The following ADAMTS16 variants were observed in gnomAD, a reference collection of about 807,000 sequenced individuals.
The protein encoded by ADAMTS16 is ADAM metallopeptidase with thrombospondin type 1 motif 16, also known as A disintegrin and metalloproteinase with thrombospondin motifs 16.
In ADAMTS16, 94 loss-of-function variants were observed where a neutral mutation model predicts 145.8. The ratio of observed to expected loss-of-function variants is 0.64; its 90% CI spans 0.55 to 0.77. The LOEUF (loss-of-function observed/expected upper bound fraction) is 0.77. ADAMTS16 is among the 30% of genes least tolerant of loss of function. The pLI is 0.00. For synonymous variants in ADAMTS16, 659 were observed against 604.3 expected, an observed-to-expected ratio of 1.09 and a Z score of -1.33; for missense variants, 1,585 against 1,591.5, an observed-to-expected ratio of 1.00 and a Z score of 0.07.
intron 20 of ADAMTS16, among the ~76,000 whole-genome samples, chr5:5,305,516 CCACACACTCACACATCCCACACCATACA>C (rs1352715270): frequency 6.7e-5 from 10 of 149,756 alleles, no homozygotes; most frequent in African/African-American, 2.5e-4. Context: ...ACATCCCATA[CCACACACTCACACATCCCACACCATACA>C]CACACACACA....
intron 21 of ADAMTS16, among the ~76,000 whole-genome samples, chr5:5,313,240 C>G (rs1410173526): frequency 6.6e-6 from 1 of 152,182 alleles, no homozygotes; most frequent in Non-Finnish European, 1.5e-5. Flanking sequence ...GTGCCCAAGT[C>G]TCTGCCTTCA....
At chr5:5,230,857 A>T (rs1736900269) in intron 11 of ADAMTS16, among the ~76,000 whole-genome samples, 1 of 152,126 alleles carries the variant, frequency 6.6e-6, no homozygotes, top group Non-Finnish European at 1.5e-5. Context: ...CACTAACCTG[A>T]CCTCATTCTG....
rs753116857 is a variant in ADAMTS16 at position 5,232,453 on chromosome 5, C to A, written c.1787C>A (p.Ser596Tyr). ...HGHWSDWSSW[S>Y]PCSRTCGGGV... ...CACTGGTCGGACTGGTCTTCTTGGT[C>A]CCCATGCTCCAGGACCTGCGGAGGG... The change falls in exon 12 of 23, where the codon TCC becomes TAC. Residue 596 changes from serine to tyrosine, a missense_variant. By Grantham distance (144) the Ser-to-Tyr change is moderately radical (BLOSUM62 -2). Coordinates refer to ENST00000274181, the MANE Select transcript of ADAMTS16 (RefSeq NM_139056.4). 11 of 1,613,898 alleles carry A rather than the reference C, an allele frequency of 6.8e-6. No individual in the cohort carries two copies. The highest frequency in any genetic ancestry group is 1.7e-5 in the Admixed American group (1 of 59,982).
chr5:5,210,677 T>C (rs1736250984), intron 10 of ADAMTS16, among the ~76,000 whole-genome samples: 1 of 152,190 alleles, frequency 6.6e-6, no homozygotes, highest in Non-Finnish European at 1.5e-5. Context: ...TATTTCACCA[T>C]TAATAAGTAT....
intron 18 of ADAMTS16, among the ~76,000 whole-genome samples, chr5:5,288,390 G>A (rs969297563): frequency 6.6e-6 from 1 of 152,194 alleles, no homozygotes; most frequent in South Asian, 2.1e-4. Context: ...CACGTAAAAG[G>A]CTCCGGTGAG....
rs746993754 is a variant in ADAMTS16 at position 5,239,177 on chromosome 5, A to G, written c.2181A>G (p.Gly727=). ...CERVGCDNVL[G]SDAVEDVCGV... ...GAGTTGGATGTGACAATGTCCTTGG[A>G]TCTGATGCTGTTGAAGACGTCTGTG... The change falls in exon 15 of 23, where the codon GGA becomes GGG. Residue 727 remains glycine (G), a synonymous_variant. Coordinates refer to ENST00000274181, the MANE Select transcript of ADAMTS16 (RefSeq NM_139056.4). 11 of 1,586,264 alleles carry G rather than the reference A, an allele frequency of 6.9e-6. No individual in the cohort carries two copies. The East Asian group carries it at 2.3e-4, about 33-fold the overall frequency.
At chr5:5,295,806 G>A (rs150420978) in intron 18 of ADAMTS16, among the ~76,000 whole-genome samples, 81 of 152,334 alleles carry the variant, frequency 5.3e-4, no homozygotes, top group African/African-American at 1.8e-3. Context: ...GTAGAAAGCC[G>A]AAGGGTCTCG....
intron 17 of ADAMTS16, among the ~76,000 whole-genome samples, chr5:5,243,792 C>T (rs190766966): frequency 3.2e-4 from 49 of 152,292 alleles, no homozygotes; most frequent in African/African-American, 1.1e-3. Context: ...CTTTGAGCAT[C>T]AAGCATTCAG....
intron 3 of ADAMTS16, among the ~76,000 whole-genome samples, chr5:5,180,896 T>C (rs1242070655): frequency 6.6e-6 from 1 of 152,162 alleles, no homozygotes; most frequent in African/African-American, 2.4e-5. Context: ...TCAATAGGTA[T>C]TACGTAGAAA....
chr5:5,190,613 G>A (rs1012241333), intron 7 of ADAMTS16, among the ~76,000 whole-genome samples: 110 of 152,074 alleles, frequency 7.2e-4, no homozygotes, highest in African/African-American at 2.4e-3. Flanking sequence ...GATTCTTTCC[G>A]GATGGTCTGT....
At chr5:5,168,653 TA>T (rs1734958421) in intron 3 of ADAMTS16, among the ~76,000 whole-genome samples, 3 of 119,662 alleles carry the variant, frequency 2.5e-5, no homozygotes, top group Admixed American at 2.2e-4. Flanking sequence ...ATTATATTTA[TA>T]TATTATATTT....
At chr5:5,184,160 T>C (rs1735428994) in intron 4 of ADAMTS16, among the ~76,000 whole-genome samples, 1 of 152,010 alleles carries the variant, frequency 6.6e-6, no homozygotes, top group African/African-American at 2.4e-5. Context: ...GGGCCCTGTG[T>C]CACCTGCTCA....
At chr5:5,266,546 TC>T (rs1420700146) in intron 18 of ADAMTS16, among the ~76,000 whole-genome samples, 1 of 152,238 alleles carries the variant, frequency 6.6e-6, no homozygotes, top group Non-Finnish European at 1.5e-5. Flanking sequence ...TTCATTTAAA[TC>T]ACAGTTGCCC....
At chr5:5,262,948 G>A (rs1738086711) in intron 18 of ADAMTS16, among the ~76,000 whole-genome samples, 165 bp downstream of exon 18, 1 of 152,252 alleles carries the variant, frequency 6.6e-6, no homozygotes, top group African/African-American at 2.4e-5. Flanking sequence ...GACCTAGAGA[G>A]TGTGTTTAGG....
rs552662693 is a variant in ADAMTS16 at position 5,144,279 on chromosome 5, T to C, written c.176-1851T>C. Among the ~76,000 whole-genome samples the C allele has an allele frequency of 1.4e-4, 21 of 152,352 alleles. No homozygotes were observed. The East Asian group carries it at 3.7e-3, about 27-fold the overall frequency. On this transcript the variant is annotated intron_variant, in intron 2 of 22. Coordinates refer to ENST00000274181, the MANE Select transcript of ADAMTS16 (RefSeq NM_139056.4). ...CAGATAATCTACAAGAATTTACTTA[T>C]TGCCCTGTGTTCCTTACAGGCTACA...
intron 3 of ADAMTS16, among the ~76,000 whole-genome samples, chr5:5,175,645 A>T (rs1206336974): frequency 6.6e-6 from 1 of 152,118 alleles, no homozygotes; most frequent in Non-Finnish European, 1.5e-5. Flanking sequence ...GAGCACTTTC[A>T]CCCACAGTGG....
chr5:5,239,297 C>A (rs775013700), intron 15 of ADAMTS16, 23 bp downstream of exon 15: 5 of 1,521,340 alleles, frequency 3.3e-6, no homozygotes, highest in Non-Finnish European at 4.4e-6. Flanking sequence ...GAGCTGCCTG[C>A]AAGCCTTGGG....
At chr5:5,261,944 C>A (rs1421090370) in intron 17 of ADAMTS16, among the ~76,000 whole-genome samples, 3 of 152,182 alleles carry the variant, frequency 2.0e-5, no homozygotes, top group Non-Finnish European at 2.9e-5. Flanking sequence ...TCCTCCAAGA[C>A]CCTGGCCAGC....
intron 3 of ADAMTS16, 134 bp from the exon 4 acceptor site, chr5:5,181,910 C>G: frequency 9.6e-7 from 1 of 1,038,748 alleles, no homozygotes; most frequent in East Asian, 2.5e-5. Flanking sequence ...TTGAACCTTT[C>G]CAATGTTCGC....
Sources: allele counts gnomAD v4.1 joint callset (sites outside exome capture counted in the v4.1 genomes callset), GRCh38; gene constraint gnomAD v4.1.1; transcripts MANE v1.5; gene names NCBI Gene and HGNC (gene_info 2026-07-23, HGNC 2026-07-21).